The following SP110 variants were observed in gnomAD, a reference collection of about 807,000 sequenced individuals.
SP110 encodes the protein SP110 nuclear body protein, also known as interferon-induced protein 41, 30kD.
A neutral mutation model predicts 92.7 loss-of-function variants in SP110; 62 were observed. That is an observed-to-expected ratio of 0.67 (90% CI 0.55 to 0.83). The LOEUF (loss-of-function observed/expected upper bound fraction) is 0.83. Ranked by LOEUF, SP110 falls within the 40% of genes least tolerant of loss-of-function variation. The pLI, the probability that SP110 is intolerant of heterozygous loss-of-function variation, is 0.00. For synonymous variants in SP110, 273 were observed against 305.3 expected (o/e 0.89, Z 1.10); for missense variants, 793 against 863.9 (o/e 0.92, Z 1.03).
chr2:230,172,740 C>T (rs745616990), intron 15 of SP110, 104 bp downstream of exon 15: 3 of 745,542 alleles, frequency 4.0e-6, no homozygotes, highest in Non-Finnish European at 7.1e-6. Flanking sequence ...TCTCTGGCAC[C>T]AGACTGCTCT....
intron 11 of SP110, among the ~76,000 whole-genome samples, chr2:230,184,251 CA>C (rs1383310570): frequency 6.6e-6 from 1 of 152,138 alleles, no homozygotes; most frequent in Non-Finnish European, 1.5e-5. Context: ...AATCATGGAT[CA>C]AAAAACTGCT....
chr2:230,202,463 T>G, intron 9 of SP110, 116 bp downstream of exon 9: 1 of 938,534 alleles, frequency 1.1e-6, no homozygotes, highest in Non-Finnish European at 1.7e-6. Context: ...ATCCTCATTC[T>G]CTGTACTTTT....
At chr2:230,170,533 C>A in intron 18 of SP110, 88 bp downstream of exon 18, 1 of 1,485,698 alleles carries the variant, frequency 6.7e-7, no homozygotes, top group Non-Finnish European at 9.4e-7. Context: ...CAGGCTGAAA[C>A]TGAGTGTAAT....
intron 13 of SP110, 123 bp from the exon 14 acceptor site, chr2:230,177,803 A>G (rs780076869): frequency 1.3e-4 from 141 of 1,120,586 alleles, no homozygotes; most frequent in Non-Finnish European, 1.7e-4. Context: ...GTGAGGTGGA[A>G]GGAGTAGCAG....
intron 12 of SP110, among the ~76,000 whole-genome samples, chr2:230,179,181 C>T (rs1374437927): frequency 6.6e-6 from 1 of 152,182 alleles, no homozygotes; most frequent in Admixed American, 6.5e-5. Flanking sequence ...AGAAGCCATT[C>T]ATTTCTCTGG....
At chr2:230,203,164 G>T in intron 8 of SP110, 1 of 210,826 alleles carries the variant, frequency 4.7e-6, no homozygotes, top group Non-Finnish European at 9.7e-6. Flanking sequence ...TGGGCAAAGT[G>T]CAAGGTATTA....
rs567924743 is a variant in SP110, at chr2:230,165,538, A to G, written c.*3586T>C. On this transcript the variant is annotated 3_prime_UTR_variant, in exon 19 of 19. Transcript: ENST00000258381. ...TTACATAATGTGAAACTAACAAATA[A>G]TGACATAATATAATTGAATAGAATA... Among the ~76,000 whole-genome samples the G allele has an allele frequency of 6.6e-6, 1 of 152,374 alleles. No individual in the cohort carries two copies. Among genetic ancestry groups the G allele is most frequent in the Admixed American group, 6.5e-5 (1 of 15,308 alleles).
Position 230,168,912 on chromosome 2 carries a change from T to TATTA in SP110, c.*208_*211dup, listed in dbSNP as rs1302194003. On this transcript the variant is annotated 3_prime_UTR_variant, in exon 19 of 19. Transcript: ENST00000258381. ...GGGGTATCTGATGGTATTAAGGAAG[T>TATTA]ATTAATTTTTTTTTTTTTTAGTGTA... The TATTA allele has an allele frequency of 0.016, 6,292 of 383,628 alleles. 27 individuals carry two copies. The highest frequency in any genetic ancestry group is 0.026 in the Middle Eastern group (35 of 1,368). The allele number at this position is 383,628 out of a possible 1,614,324, so 23.8% of individuals were successfully genotyped here. A position where few individuals can be genotyped will look rare whatever the true frequency, so the allele number is the denominator to read the frequency against.
At chr2:230,201,339 C>T (rs2043167062) in intron 9 of SP110, among the ~76,000 whole-genome samples, 2 of 152,156 alleles carry the variant, frequency 1.3e-5, no homozygotes, top group Admixed American at 1.3e-4. Context: ...TGTTATTTGC[C>T]TTTTTCACTA....
chr2:230,183,778 C>T (rs540907344), intron 11 of SP110, 138 bp from the exon 12 acceptor site: 2 of 694,800 alleles, frequency 2.9e-6, no homozygotes, highest in Middle Eastern at 2.5e-4. Context: ...TATGAAAGGA[C>T]TTCCTTGTAG....
chr2:230,225,482 C>T (rs2046208748), intron 1 of SP110: 2 of 346,492 alleles, frequency 5.8e-6, no homozygotes, highest in Non-Finnish European at 5.6e-6. Context: ...GCCACCTCAG[C>T]AAGGGGTGGG....
Position 230,178,186 on chromosome 2 carries a change from C to G in SP110, c.1418G>C (p.Gly473Ala). The G allele has an allele frequency of 6.2e-7, 1 of 1,612,518 alleles. No individual in the cohort carries two copies. The highest frequency in any genetic ancestry group is 8.5e-7 in the Non-Finnish European group (1 of 1,178,640). Reference sequence around the variant, plus strand: ...TTTCATTTTCTTCTTATATAAAATCCCTTTCGCCTCACCACAGGTCACGGG... The same window carrying G: ...TTTCATTTTCTTCTTATATAAAATCGCTTTCGCCTCACCACAGGTCACGGG... ...KLPVTCGEAK[G>A]ILYKKKMKHG... The change falls in exon 13 of 19, where the codon GGG becomes GCG. Residue 473 changes from glycine to alanine, a missense_variant. Physicochemically the swap from Gly to Ala is moderately conservative, Grantham distance 60. Coordinates refer to ENST00000258381, the MANE Select transcript of SP110 (RefSeq NM_080424.4).
intron 3 of SP110, among the ~76,000 whole-genome samples, chr2:230,213,407 A>T (rs2044718183): frequency 6.6e-6 from 1 of 152,228 alleles, no homozygotes; most frequent in Non-Finnish European, 1.5e-5. Flanking sequence ...TAAACAGATC[A>T]TACTTCCCCG....
chr2:230,196,235 G>T (rs1023311376), intron 10 of SP110, among the ~76,000 whole-genome samples: 1 of 152,112 alleles, frequency 6.6e-6, no homozygotes, highest in African/African-American at 2.4e-5. Flanking sequence ...TATTGGACAA[G>T]TGTGCAAAGA....
chr2:230,173,233 G>A (rs1028714723), intron 14 of SP110: 5 of 415,342 alleles, frequency 1.2e-5, no homozygotes, highest in African/African-American at 4.1e-5. Context: ...CTGTGCTGCT[G>A]CCTGCTGGCA....
intron 7 of SP110, 86 bp from the exon 8 acceptor site, chr2:230,208,145 C>A: frequency 1.3e-6 from 1 of 798,952 alleles, no homozygotes; most frequent in Non-Finnish European, 2.1e-6. Context: ...TACTTTTGGT[C>A]TTCAAACCAC....
At position 230,212,376 on chromosome 2, in the gene SP110, A is replaced by G. The variant is rs2044589730; in HGVS notation, c.638T>C (p.Met213Thr). The change falls in exon 5 of 19, where the codon ATG becomes ACG. Residue 213 changes from methionine to threonine, a missense_variant. Transcript: ENST00000258381. ...CACAGTGCTAGTGAGGAGGCTGGGC[A>G]TCTCTTCTGAGTCTTCTTCCGCATT... ...KMNAEEDSEEMPSLLTSTVQV... is the reference protein window; with the variant it reads ...KMNAEEDSEETPSLLTSTVQV... 1 of 1,613,424 alleles carries G rather than the reference A, an allele frequency of 6.2e-7. No homozygotes were observed. Among genetic ancestry groups the G allele is most frequent in the Admixed American group, 1.7e-5 (1 of 60,006 alleles).
At chr2:230,208,970 A>C (rs1397666445) in intron 7 of SP110, among the ~76,000 whole-genome samples, 1 of 152,220 alleles carries the variant, frequency 6.6e-6, no homozygotes, top group Non-Finnish European at 1.5e-5. Context: ...GATGGCTTGG[A>C]AGGAGGAAAG....
intron 7 of SP110, among the ~76,000 whole-genome samples, chr2:230,209,392 G>A (rs188956444): frequency 6.6e-6 from 1 of 152,254 alleles, no homozygotes; most frequent in Admixed American, 6.5e-5. Context: ...CAGAAAAGCA[G>A]CTTTTGAAAG....
Sources: allele counts gnomAD v4.1 joint callset (sites outside exome capture counted in the v4.1 genomes callset), GRCh38; gene constraint gnomAD v4.1.1; transcripts MANE v1.5; gene names NCBI Gene and HGNC (gene_info 2026-07-23, HGNC 2026-07-21).